Variants in DOC2A observed in about 807,000 individuals in gnomAD.
DOC2A encodes the protein double C2 domain alpha.
Under a neutral mutation model 40.6 loss-of-function variants are expected in DOC2A, and 28 were observed. That is an observed-to-expected ratio of 0.69 (90% CI 0.51 to 0.95). DOC2A has a LOEUF of 0.95. Among genes scored for constraint, DOC2A ranks in the 40% least tolerant of loss-of-function variants. DOC2A has a pLI of 0.00. For missense variants in DOC2A, 474 were observed against 552.5 expected (o/e 0.86, Z 1.42); for synonymous variants, 241 against 236.9 (o/e 1.02, Z -0.16).
chr16:30,009,234 C>CGTAGGGGT lies in DOC2A; in HGVS notation c.377_384dup (p.Val129ThrfsTer18), dbSNP rs766487878. 1 of 1,576,610 alleles carries CGTAGGGGT rather than the reference C, an allele frequency of 6.3e-7. No homozygotes were observed. Among genetic ancestry groups the CGTAGGGGT allele is most frequent in the East Asian group, 2.3e-5 (1 of 43,224 alleles). The stretch of plus-strand genomic sequence containing the variant: ...GCTCCAGGCAGCAAGTGCAGCTTGA[C>CGTAGGGGT]GTAGGGGTCGGCGAGGCCATTGAAA... On this transcript the variant is annotated frameshift_variant, in exon 4 of 11. Coordinates refer to ENST00000350119, the MANE Select transcript of DOC2A (RefSeq NM_003586.3). LOFTEE classifies it high-confidence loss of function. The surrounding 1 kb of genome is among the most constrained non-coding windows in gnomAD (Gnocchi z 4.1).
upstream of DOC2A, among the ~76,000 whole-genome samples, chr16:30,016,045 ATATATATATATTTTTTTTTTT>A (rs1176293520): frequency 1.3e-3 from 29 of 22,824 alleles, no homozygotes; most frequent in African/African-American, 4.1e-3. Context: ...ATATATATAT[ATATATATATATTTTTTTTTTT>A]TTTTTTTTTT....
upstream of DOC2A, chr16:30,012,392 C>T (rs1187896069): frequency 6.6e-6 from 1 of 152,114 alleles, no homozygotes; most frequent in Non-Finnish European, 1.5e-5. Context: ...CCCTAATGTC[C>T]CAAACTGGGC....
Position 30,009,634 on chromosome 16 carries a change from C to G in DOC2A, c.263-77G>C. On this transcript the variant is annotated intron_variant, in intron 2 of 10. Coordinates refer to ENST00000350119, the MANE Select transcript of DOC2A (RefSeq NM_003586.3). The surrounding 1 kb of genome is among the most constrained non-coding windows in gnomAD (Gnocchi z 4.1). ...AGAGGCCAGCAGGTGGGCACTGGCT[C>G]TGTGTGTCTCTCTCTCTTGCCAGCC... 3 of 1,286,122 alleles carry G rather than the reference C, an allele frequency of 2.3e-6. No individual in the cohort carries two copies. Among genetic ancestry groups the G allele is most frequent in the Non-Finnish European group, 3.3e-6 (3 of 914,400 alleles). The allele number at this position is 1,286,122 out of a possible 1,614,324, so 79.7% of individuals were successfully genotyped here.
rs758069645 is a variant in DOC2A, at chr16:30,010,008, G to A, written c.215C>T (p.Thr72Met). 20 of 1,612,090 alleles carry A rather than the reference G, an allele frequency of 1.2e-5. No individual in the cohort carries two copies. In the African/African-American group the frequency reaches 1.5e-4, roughly 12 times the overall value. Residue 72 changes from threonine (T) to methionine (M), a missense_variant, in exon 2 of 11, where the codon ACG becomes ATG. By Grantham distance (81) the Thr-to-Met change is moderately conservative. Coordinates refer to ENST00000350119, the MANE Select transcript of DOC2A (RefSeq NM_003586.3). This position sits in a 1 kb window ranked among gnomAD's most constrained non-coding sequence, Gnocchi z 4.2. ...APPAALLGATTPEDGAEVDSY... is the reference protein window; with the variant it reads ...APPAALLGATMPEDGAEVDSY... ...GTCCACCTCCGCACCATCCTCAGGC[G>A]TGGTGGCCCCAAGGAGGGCTGCAGG... is the stretch of plus-strand genomic sequence containing the variant.
At chr16:30,016,065 T>C (rs1488253641), upstream of DOC2A, among the ~76,000 whole-genome samples, 1 of 113,630 alleles carries the variant, frequency 8.8e-6, no homozygotes, top group South Asian at 2.8e-4. Context: ...ATTTTTTTTT[T>C]TTTTTTTTTT....
rs886864204 is a variant in DOC2A, at chr16:30,009,818, G to A, written c.262+143C>T. ...TGTAATCTCCACGCTGACTGCAGCT[G>A]TGGTGGCCGTCCCTGCCACCCCCCC... On this transcript the variant is annotated intron_variant, in intron 2 of 10. Transcript: ENST00000350119. The surrounding 1 kb of genome is among the most constrained non-coding windows in gnomAD (Gnocchi z 4.1). 5.0e-6 allele frequency: 5 copies of A among 1,003,584 alleles called. No individual in the cohort carries two copies. Among genetic ancestry groups the A allele is most frequent in the African/African-American group, 3.2e-5 (2 of 62,462 alleles). The allele number at this position is 1,003,584 out of a possible 1,614,324, so 62.2% of individuals were successfully genotyped here. A position where few individuals can be genotyped will look rare whatever the true frequency, so the allele number is the denominator to read the frequency against.
rs765364473 is a variant in DOC2A, at chr16:30,007,085, C to T, written c.660G>A (p.Ala220=). 1.8e-5 allele frequency: 29 copies of T among 1,613,754 alleles called. No homozygotes were observed. Among genetic ancestry groups the T allele is most frequent in the South Asian group, 5.5e-5 (5 of 91,080 alleles). The change falls in exon 7 of 11, where the codon GCG becomes GCA. Residue 220 remains alanine (A), a synonymous_variant. Transcript: ENST00000350119. ...NICLERQVPL[A]SPSSMSAALR... is the part of the protein sequence containing the mutation. ...GCGCCGCTGACATGGAAGAGGGGGA[C>T]GCCAGCTGAGGGGGCAAAGAGAAGG... is the stretch of plus-strand genomic sequence containing the variant.
upstream of DOC2A, among the ~76,000 whole-genome samples, chr16:30,022,423 C>T (rs1031796115): frequency 2.0e-5 from 3 of 152,150 alleles, no homozygotes; most frequent in Admixed American, 6.5e-5. Context: ...GTAATCCCAG[C>T]ACTTTGGGAG....
rs1031226931 is a variant in DOC2A at position 30,009,418 on chromosome 16, G to A, written c.342+60C>T. On this transcript the variant is annotated intron_variant, in intron 3 of 10. Coordinates refer to ENST00000350119, the MANE Select transcript of DOC2A (RefSeq NM_003586.3). The surrounding 1 kb of genome is among the most constrained non-coding windows in gnomAD (Gnocchi z 4.1). The stretch of plus-strand genomic sequence containing the variant: ...AGGCCTGGGAAGGGAAGGAGGAATG[G>A]GCCCCCTCTGGGGGCTGCACGCAAA... 2 of 1,516,266 alleles carry A rather than the reference G, an allele frequency of 1.3e-6. No individual in the cohort carries two copies. Among genetic ancestry groups the A allele is most frequent in the Admixed American group, 2.0e-5 (1 of 50,966 alleles). 93.9% of individuals were successfully genotyped at this position (1,516,266 alleles called of 1,614,324 possible). A position where few individuals can be genotyped will look rare whatever the true frequency, so the allele number is the denominator to read the frequency against.
At position 30,005,979 on chromosome 16, in the gene DOC2A, G is replaced by A; in HGVS notation, c.*207C>T. ...GATGGGGGGTTTGCATATTTGCAGG[G>A]ACTAGCGAGTCAGGCAGGAGGTTTG... On this transcript the variant is annotated 3_prime_UTR_variant, in exon 11 of 11. Coordinates refer to ENST00000350119, the MANE Select transcript of DOC2A (RefSeq NM_003586.3). 1.6e-6 allele frequency: 1 copy of A among 630,666 alleles called. No individual in the cohort carries two copies. Among genetic ancestry groups the A allele is most frequent in the Non-Finnish European group, 2.7e-6 (1 of 367,256 alleles). 39.1% of individuals were successfully genotyped at this position (630,666 alleles called of 1,614,324 possible). A position where few individuals can be genotyped will look rare whatever the true frequency, so the allele number is the denominator to read the frequency against.
At position 30,009,034 on chromosome 16, in the gene DOC2A, G is replaced by A. The variant is rs200874282; in HGVS notation, c.489C>T (p.Ser163=). Reference sequence around the variant, plus strand: ...GCGTGATGTCGTCATCTGTGATCCCGCTGTAAGTCAGGTCCTCATTCCACA... The same window carrying A: ...GCGTGATGTCGTCATCTGTGATCCCACTGTAAGTCAGGTCCTCATTCCACA... ...NPVWNEDLTY[S]GITDDDITHK... Residue 163 remains serine (S), a synonymous_variant, in exon 5 of 11, where the codon AGC becomes AGT. Coordinates refer to ENST00000350119, the MANE Select transcript of DOC2A (RefSeq NM_003586.3). The surrounding 1 kb of genome is among the most constrained non-coding windows in gnomAD (Gnocchi z 4.1). 70 of 1,613,852 alleles carry A rather than the reference G, an allele frequency of 4.3e-5. No individual in the cohort carries two copies. Among genetic ancestry groups the A allele is most frequent in the Non-Finnish European group, 5.4e-5 (64 of 1,179,976 alleles).
In DOC2A at chr16:30,009,126, G is replaced by T. The variant is rs2070702644; in HGVS notation, c.418-21C>A. On this transcript the variant is annotated intron_variant, in intron 4 of 10. Coordinates refer to ENST00000350119, the MANE Select transcript of DOC2A (RefSeq NM_003586.3). The surrounding 1 kb of genome is among the most constrained non-coding windows in gnomAD (Gnocchi z 4.1). ...TTGGCCTGGGATGTGGGGATGAAAG[G>T]TTCTCAATACCTGTCCTCCAGCCCC... 3 of 1,605,484 alleles carry T rather than the reference G, an allele frequency of 1.9e-6. No individual in the cohort carries two copies. The highest frequency in any genetic ancestry group is 1.7e-6 in the Non-Finnish European group (2 of 1,172,994).
At position 30,006,687 on chromosome 16, in the gene DOC2A, GGGTGGAGGGAGAC is replaced by G; in HGVS notation, c.879-23_879-11del. The G allele has an allele frequency of 3.1e-6, 5 of 1,613,258 alleles. No individual in the cohort carries two copies. Among genetic ancestry groups the G allele is most frequent in the Non-Finnish European group, 4.2e-6 (5 of 1,179,524 alleles). On this transcript the variant is annotated splice_polypyrimidine_tract_variant and intron_variant, in intron 8 of 10. Transcript: ENST00000350119. This position sits in a 1 kb window ranked among gnomAD's most constrained non-coding sequence, Gnocchi z 6.2. ...ATCGGGCCTCAGGTACCTGGGGGTG[GGGTGGAGGGAGAC>G]GAACTGAGGGGTGAGGGACAGGCCA...
chr16:30,007,496 A>G, intron 5 of DOC2A, 197 bp from the exon 6 acceptor site: 4 of 691,904 alleles, frequency 5.8e-6, no homozygotes, highest in South Asian at 3.4e-5. Flanking sequence ...TCCCTGGTCC[A>G]TCAGGACATG....
At chr16:30,022,055 C>G (rs1008603183), upstream of DOC2A, among the ~76,000 whole-genome samples, 2 of 151,310 alleles carry the variant, frequency 1.3e-5, no homozygotes, top group Non-Finnish European at 2.9e-5. Context: ...TCAAGACCAG[C>G]CTGGCCAACA....
At chr16:30,016,055 A>ATATATATTTT (rs1163519904), upstream of DOC2A, among the ~76,000 whole-genome samples, 1 of 16,896 alleles carries the variant, frequency 5.9e-5, no homozygotes, top group Non-Finnish European at 9.5e-5. Flanking sequence ...ATATATATAT[A>ATATATATTTT]TTTTTTTTTT....
upstream of DOC2A, among the ~76,000 whole-genome samples, chr16:30,014,119 C>A (rs540508723): frequency 6.6e-6 from 1 of 150,756 alleles, no homozygotes; most frequent in East Asian, 2.0e-4. Context: ...TAATTCCATG[C>A]AGTGAAATAG....
chr16:30,006,102 CCT>C lies in DOC2A; in HGVS notation c.*82_*83del. 1 of 1,468,178 alleles carries C rather than the reference CCT, an allele frequency of 6.8e-7. No individual in the cohort carries two copies. The highest frequency in any genetic ancestry group is 9.1e-7 in the Non-Finnish European group (1 of 1,096,632). 90.9% of individuals were successfully genotyped at this position (1,468,178 alleles called of 1,614,324 possible). On this transcript the variant is annotated 3_prime_UTR_variant, in exon 11 of 11. Coordinates refer to ENST00000350119, the MANE Select transcript of DOC2A (RefSeq NM_003586.3). The surrounding 1 kb of genome is among the most constrained non-coding windows in gnomAD (Gnocchi z 6.2). ...GTAGTGCAGGGTGGGGGCAGCCCAC[CCT>C]GTGTAAACGTGCAACACACTCGTGC... is the stretch of plus-strand genomic sequence containing the variant.
chr16:30,011,451 C>A, upstream of DOC2A: 1 of 982,834 alleles, frequency 1.0e-6, no homozygotes, highest in Non-Finnish European at 1.2e-6. Flanking sequence ...CCCCCGCCCC[C>A]GCCCGCGCGC....
Sources: allele counts gnomAD v4.1 joint callset (sites outside exome capture counted in the v4.1 genomes callset), GRCh38; gene constraint gnomAD v4.1.1; non-coding constraint Gnocchi (gnomAD v3.1); transcripts MANE v1.5; gene names NCBI Gene and HGNC (gene_info 2026-07-23, HGNC 2026-07-21).